Variants in GALNT9 observed in about 807,000 individuals in gnomAD.
The protein encoded by GALNT9 is GalNAc transferase 9.
GALNT9 carries 47 observed loss-of-function variants against 63.1 expected under a neutral mutation model. That is an observed-to-expected ratio of 0.75 (90% CI 0.59 to 0.95). GALNT9 has a LOEUF of 0.95. Ranked by LOEUF, GALNT9 falls within the 40% of genes least tolerant of loss-of-function variation. GALNT9 has a pLI of 0.00. For synonymous variants in GALNT9, 396 were observed against 365.7 expected (o/e 1.08, Z -0.94); for missense variants, 829 against 874.8 (o/e 0.95, Z 0.66).
chr12:132,230,061 A>G (rs958863171), intron 6 of GALNT9, among the ~76,000 whole-genome samples: 7 of 152,180 alleles, frequency 4.6e-5, no homozygotes, highest in Non-Finnish European at 7.4e-5. Context: ...GCATCCATCA[A>G]CAGTCGCCAC....
At chr12:132,218,002 T>G (rs531084990) in intron 6 of GALNT9, among the ~76,000 whole-genome samples, 214 of 150,724 alleles carry the variant, frequency 1.4e-3, no homozygotes, top group Non-Finnish European at 2.5e-3. Context: ...CCCACTCATT[T>G]GCCCACCTAG....
intron 1 of GALNT9, among the ~76,000 whole-genome samples, chr12:132,303,058 G>T (rs536874241): frequency 2.1e-5 from 3 of 145,282 alleles, no homozygotes; most frequent in Non-Finnish European, 4.6e-5. Flanking sequence ...TGGAAGACGC[G>T]GTTTCCCACC....
At chr12:132,271,607 C>T (rs909918875) in intron 2 of GALNT9, among the ~76,000 whole-genome samples, 24 of 152,168 alleles carry the variant, frequency 1.6e-4, no homozygotes, top group Admixed American at 1.0e-3. Context: ...ACTGGCCTGG[C>T]GCTGTGCCCT....
At chr12:132,304,374 CGGGCACACCCTCACCG>C (rs1225784707) in intron 1 of GALNT9, among the ~76,000 whole-genome samples, 1 of 110,548 alleles carries the variant, frequency 9.0e-6, no homozygotes, top group Non-Finnish European at 1.8e-5. Context: ...CAGCCTCACC[CGGGCACACCCTCACCG>C]GGGCACACCC....
In GALNT9 at chr12:132,236,113, G is replaced by A. The variant is rs973657180; in HGVS notation, c.1077+11797C>T. Among the ~76,000 whole-genome samples the A allele has an allele frequency of 2.1e-4, 32 of 150,162 alleles. No homozygotes were observed. The highest frequency in any genetic ancestry group is 3.3e-4 in the Non-Finnish European group (22 of 67,414). On this transcript the variant is annotated intron_variant, in intron 6 of 10. Transcript: ENST00000328957. The surrounding 1 kb of genome is among the most constrained non-coding windows in gnomAD (Gnocchi z 5.6). ...TCGGGACAGGGCAGGAGGGTCCCCC[G>A]GGCTGGAGTTCAACCCTCGGGACAG... is the stretch of plus-strand genomic sequence containing the variant.
chr12:132,326,675 T>C (rs1555246532), intron 1 of GALNT9, among the ~76,000 whole-genome samples: 1 of 152,196 alleles, frequency 6.6e-6, no homozygotes. Context: ...TCCATTTTGT[T>C]TCGGATTTCC....
intron 6 of GALNT9, chr12:132,240,422 G>C (rs2136898214): frequency 2.6e-4 from 91 of 356,510 alleles, no homozygotes; most frequent in South Asian, 1.9e-3. Flanking sequence ...GCCTCCACTT[G>C]TTCAGCGCAG....
rs1385648377 is a variant in GALNT9, at chr12:132,215,897, G to T, written c.1078-12207C>A. On this transcript the variant is annotated intron_variant, in intron 6 of 10. Coordinates refer to ENST00000328957, the MANE Select transcript of GALNT9 (RefSeq NM_001122636.2). ...AGGGGGCGGAGAGTAGGGTTGGGGG[G>T]TGCTTCTGGGCCAGGCCTGAGGGGC... Among the ~76,000 whole-genome samples the T allele has an allele frequency of 4.6e-5, 7 of 152,012 alleles. No homozygotes were observed. The East Asian group carries it at 5.8e-4, about 13-fold the overall frequency.
intron 4 of GALNT9, among the ~76,000 whole-genome samples, 172 bp downstream of exon 4, chr12:132,260,776 C>A (rs144951793): frequency 3.9e-5 from 6 of 152,354 alleles, no homozygotes; most frequent in Non-Finnish European, 8.8e-5. Context: ...GCAGAGGTAA[C>A]CGCACAGGTG....
rs1366857514 is a variant in GALNT9 at position 132,201,222 on chromosome 12, C to T, written c.1303G>A (p.Ala435Thr). The T allele has an allele frequency of 5.6e-6, 9 of 1,613,260 alleles. No individual in the cohort carries two copies. Among genetic ancestry groups the T allele is most frequent in the Non-Finnish European group, 7.6e-6 (9 of 1,179,396 alleles). The change falls in exon 8 of 11, where the codon GCC (alanine) becomes ACC (threonine). Residue 435 changes from alanine (A) to threonine (T), a missense_variant. Coordinates refer to ENST00000328957, the MANE Select transcript of GALNT9 (RefSeq NM_001122636.2). ...CGACACTTCAGCCTCTGACGCAGGG[C>T]CAGCCTCTCAGACACGTCCCCGAAG... ...VDFGDVSERL[A>T]LRQRLKCRSF... is the part of the protein sequence containing the mutation.
rs1322438123 is a variant in GALNT9, at chr12:132,247,849, T to C, written c.1077+61A>G. On this transcript the variant is annotated intron_variant, in intron 6 of 10. Coordinates refer to ENST00000328957, the MANE Select transcript of GALNT9 (RefSeq NM_001122636.2). ...GCGGCCTCACTCGCCCTCATCCTGT[T>C]CCCAGACGCTGTGGCCTCACTCGCC... is the stretch of plus-strand genomic sequence containing the variant. 9.9e-6 allele frequency: 15 copies of C among 1,520,706 alleles called. No homozygotes were observed. In the Admixed American group the frequency reaches 2.7e-4, roughly 27 times the overall value. The allele number at this position is 1,520,706 out of a possible 1,614,324, so 94.2% of individuals were successfully genotyped here.
rs148315022 is a variant in GALNT9 at position 132,325,955 on chromosome 12, G to A, written c.238+3011C>T. Among the ~76,000 whole-genome samples, 17 of 152,378 alleles carry A rather than the reference G, an allele frequency of 1.1e-4. No homozygotes were observed. The East Asian group carries it at 2.5e-3, about 22-fold the overall frequency. On this transcript the variant is annotated intron_variant, in intron 1 of 10. Coordinates refer to ENST00000328957, the MANE Select transcript of GALNT9 (RefSeq NM_001122636.2). ...TCCAGCCGCTGCGACGCGGGCGACCGTGCTCCCTGGCGGTGACCTTCACTC... is the reference window on the plus strand; with the variant it reads ...TCCAGCCGCTGCGACGCGGGCGACCATGCTCCCTGGCGGTGACCTTCACTC...
intron 1 of GALNT9, among the ~76,000 whole-genome samples, chr12:132,322,987 G>A (rs983711289): frequency 2.0e-5 from 3 of 152,064 alleles, no homozygotes; most frequent in Admixed American, 6.5e-5. Flanking sequence ...AGAGCCGTGC[G>A]TCAGCCTTGC....
chr12:132,257,540 C>G (rs541606562), intron 5 of GALNT9, 149 bp downstream of exon 5: 1 of 41,828 alleles, frequency 2.4e-5, no homozygotes, highest in Admixed American at 2.4e-4. Flanking sequence ...CTCATCCCCA[C>G]GCCCTCGTCC....
chr12:132,316,903 C>G lies in GALNT9; in HGVS notation c.238+12063G>C, dbSNP rs1484798324. Among the ~76,000 whole-genome samples, 1 of 151,790 alleles carries G rather than the reference C, an allele frequency of 6.6e-6. No individual in the cohort carries two copies. The highest frequency in any genetic ancestry group is 1.5e-5 in the Non-Finnish European group (1 of 67,902). Reference sequence around the variant, plus strand: ...AATGCTGCATGGCCTGGCCCCCATTCTACACCCCACAGAGCACAGCCTGCA... The same window carrying G: ...AATGCTGCATGGCCTGGCCCCCATTGTACACCCCACAGAGCACAGCCTGCA... On this transcript the variant is annotated intron_variant, in intron 1 of 10. Transcript: ENST00000328957. This position sits in a 1 kb window ranked among gnomAD's most constrained non-coding sequence, Gnocchi z 4.3.
At chr12:132,272,163 C>T (rs1879894955) in intron 2 of GALNT9, among the ~76,000 whole-genome samples, 1 of 152,226 alleles carries the variant, frequency 6.6e-6, no homozygotes, top group Non-Finnish European at 1.5e-5. Context: ...CCTCTGTGGG[C>T]CACGCCTGCT....
At chr12:132,211,491 G>C (rs961279363) in intron 6 of GALNT9, among the ~76,000 whole-genome samples, 2 of 152,162 alleles carry the variant, frequency 1.3e-5, no homozygotes, top group African/African-American at 4.8e-5. Flanking sequence ...AGGCAACCTC[G>C]TGTCTATTCG....
chr12:132,306,729 T>C (rs1426838144), intron 1 of GALNT9, among the ~76,000 whole-genome samples: 1 of 152,164 alleles, frequency 6.6e-6, no homozygotes, highest in Non-Finnish European at 1.5e-5. Flanking sequence ...GAAAAGCAGC[T>C]TCCTTTCGAG....
intron 6 of GALNT9, among the ~76,000 whole-genome samples, chr12:132,218,850 C>T (rs1877323887): frequency 1.3e-5 from 2 of 152,244 alleles, no homozygotes. Flanking sequence ...ACTCACCTCA[C>T]CAAACACTGA....
Sources: gnomAD v4.1 joint callset for allele counts (sites outside exome capture counted in the v4.1 genomes callset) on GRCh38, gnomAD v4.1.1 for gene constraint, Gnocchi (gnomAD v3.1) non-coding constraint, MANE v1.5 for transcripts, NCBI Gene and HGNC (gene_info 2026-07-23, HGNC 2026-07-21) for gene names.